The following ITGAV variants were observed in gnomAD, a reference collection of about 807,000 sequenced individuals.
ITGAV encodes integrin alpha-V.
A neutral mutation model predicts 143.8 loss-of-function variants in ITGAV; 76 were observed. The ratio of observed to expected loss-of-function variants is 0.53; its 90% CI spans 0.44 to 0.64. ITGAV has a LOEUF of 0.64. ITGAV is among the 30% of genes least tolerant of loss of function. The probability of loss-of-function intolerance (pLI) is 0.00; values close to 1 mark genes in which losing one functional copy is unlikely to be tolerated. For missense variants in ITGAV, 1,193 were observed against 1,274.7 expected (o/e 0.94, Z 0.98); for synonymous variants, 453 against 446.7 (o/e 1.01, Z -0.18).
At chr2:186,601,538 A>G (rs1240334402) in intron 1 of ITGAV, among the ~76,000 whole-genome samples, 1 of 152,044 alleles carries the variant, frequency 6.6e-6, no homozygotes, top group African/African-American at 2.4e-5. Flanking sequence ...TGGGAAAATC[A>G]TATTTATAAT....
chr2:186,622,531 C>G, intron 3 of ITGAV, 101 bp downstream of exon 3: 1 of 778,982 alleles, frequency 1.3e-6, no homozygotes, highest in Non-Finnish European at 2.3e-6. Context: ...TCAGTATGCT[C>G]AAGGGCACAG....
At chr2:186,619,047 G>A (rs913119886) in intron 2 of ITGAV, among the ~76,000 whole-genome samples, 2 of 147,550 alleles carry the variant, frequency 1.4e-5, no homozygotes, top group Non-Finnish European at 3.0e-5. Context: ...CATGGTGTGT[G>A]TATATGTATG....
chr2:186,596,687 C>T (rs1686758361), intron 1 of ITGAV, among the ~76,000 whole-genome samples: 1 of 152,074 alleles, frequency 6.6e-6, no homozygotes, highest in African/African-American at 2.4e-5. Flanking sequence ...GCATGAGCCA[C>T]CGTGCCTGGC....
Position 186,675,670 on chromosome 2 carries a change from G to C in ITGAV, c.2773G>C (p.Ala925Pro), listed in dbSNP as rs1183190099. Residue 925 changes from alanine to proline, a missense_variant, in exon 27 of 30, where the codon GCA (alanine) becomes CCA (proline). By Grantham distance (27) the Ala-to-Pro change is conservative. Coordinates refer to ENST00000261023, the MANE Select transcript of ITGAV (RefSeq NM_002210.5). ...TGGGAGATTAGACAGAGGAAAGAGT[G>C]CAATCTTGTACGTAAAGTCATTACT... ...QVGRLDRGKS[A>P]ILYVKSLLWT... is the part of the protein sequence containing the mutation. The C allele has an allele frequency of 6.2e-7, 1 of 1,613,902 alleles. No homozygotes were observed. The highest frequency in any genetic ancestry group is 8.5e-7 in the Non-Finnish European group (1 of 1,179,924).
chr2:186,604,697 G>A (rs903460663), intron 2 of ITGAV, among the ~76,000 whole-genome samples: 1 of 151,908 alleles, frequency 6.6e-6, no homozygotes, highest in East Asian at 1.9e-4. Flanking sequence ...ATGTTAATTT[G>A]CATTTCTTTA....
At chr2:186,611,967 T>C (rs1209297801) in intron 2 of ITGAV, among the ~76,000 whole-genome samples, 2 of 152,140 alleles carry the variant, frequency 1.3e-5, no homozygotes, top group African/African-American at 4.8e-5. Context: ...GTAATTGCGA[T>C]TTTTGCCATT....
intron 13 of ITGAV, 130 bp downstream of exon 13, chr2:186,647,007 A>C (rs975766536): frequency 1.5e-6 from 1 of 650,988 alleles, no homozygotes; most frequent in East Asian, 3.0e-5. Context: ...AAACCTCTAA[A>C]ATATTCAAGG....
At chr2:186,659,278 T>A in intron 18 of ITGAV, 103 bp downstream of exon 18, 1 of 797,386 alleles carries the variant, frequency 1.3e-6, no homozygotes, top group Non-Finnish European at 1.8e-6. Context: ...TTGATAGATG[T>A]TTAGTCAAAG....
intron 5 of ITGAV, 55 bp downstream of exon 5, chr2:186,630,913 G>A (rs1035384216): frequency 3.3e-5 from 32 of 962,824 alleles, no homozygotes; most frequent in Admixed American, 5.8e-5. Context: ...TGACTAGACT[G>A]TGGTTAAAAA....
At chr2:186,673,248 A>C (rs925531306) in intron 26 of ITGAV, among the ~76,000 whole-genome samples, 9 of 152,242 alleles carry the variant, frequency 5.9e-5, no homozygotes, top group African/African-American at 2.2e-4. Context: ...ATTTATTTCT[A>C]GACATTCAGT....
chr2:186,650,879 G>T (rs1225226671), intron 14 of ITGAV, among the ~76,000 whole-genome samples: 1 of 151,976 alleles, frequency 6.6e-6, no homozygotes, highest in Admixed American at 6.6e-5. Flanking sequence ...ATGTTCAGAG[G>T]TATTCTCCTG....
intron 17 of ITGAV, among the ~76,000 whole-genome samples, chr2:186,658,651 G>A (rs1245939573): frequency 1.3e-5 from 2 of 152,080 alleles, no homozygotes; most frequent in Non-Finnish European, 2.9e-5. Flanking sequence ...AGGACAGAAA[G>A]CAAGTCACAG....
At position 186,656,328 on chromosome 2, in the gene ITGAV, C is replaced by G. The variant is rs2105732322; in HGVS notation, c.1646C>G (p.Pro549Arg). 6.3e-7 allele frequency: 1 copy of G among 1,575,710 alleles called. No homozygotes were observed. Among genetic ancestry groups the G allele is most frequent in the South Asian group, 1.2e-5 (1 of 84,522 alleles). Reference sequence around the variant, plus strand: ...GCACTGTTTCTCTACAGCAGGTCCCCAAGTCACTCCAAGAACATGACTATT... The same window carrying G: ...GCACTGTTTCTCTACAGCAGGTCCCGAAGTCACTCCAAGAACATGACTATT... The part of the protein sequence containing the change: ...RRALFLYSRS[P>R]SHSKNMTISR... The change falls in exon 17 of 30, where the codon CCA becomes CGA. Residue 549 changes from proline (P) to arginine (R), a missense_variant. Physicochemically the swap from Pro to Arg is moderately radical, Grantham distance 103. Transcript: ENST00000261023.
chr2:186,676,926 A>C lies in ITGAV; in HGVS notation c.3042A>C (p.Val1014=), dbSNP rs375377335. ...GLLLLAVLVF[V]MYRMGFFKRV... ...TGCTACTGGCTGTTTTGGTATTTGT[A>C]ATGTACAGGGTAAGTAACGGACTTA... is the stretch of plus-strand genomic sequence containing the variant. Residue 1014 remains valine (V), a synonymous_variant, in exon 29 of 30, where the codon GTA becomes GTC. Coordinates refer to ENST00000261023, the MANE Select transcript of ITGAV (RefSeq NM_002210.5). 14 of 1,613,740 alleles carry C rather than the reference A, an allele frequency of 8.7e-6. 1 individual carries two copies. The Middle Eastern group carries it at 4.9e-4, about 57-fold the overall frequency.
Position 186,668,194 on chromosome 2 carries a change from A to G in ITGAV, c.2433+418A>G, listed in dbSNP as rs1187438453. Among the ~76,000 whole-genome samples the G allele has an allele frequency of 8.1e-4, 11 of 13,608 alleles. 1 individual carries two copies. The highest frequency in any genetic ancestry group is 6.9e-3 in the East Asian group (2 of 290). The allele number at this position is 13,608 out of a possible 152,430, so 8.9% of individuals were successfully genotyped here. On this transcript the variant is annotated intron_variant, in intron 24 of 29. Transcript: ENST00000261023. ...TGTTTATACATACATACATATATAT[A>G]TATATATATATATATATATATATTT...
intron 21 of ITGAV, 90 bp downstream of exon 21, chr2:186,665,308 A>T: frequency 1.3e-6 from 1 of 797,064 alleles, no homozygotes. Flanking sequence ...AAAAATAAAC[A>T]CTTCAAAACA....
intron 26 of ITGAV, among the ~76,000 whole-genome samples, chr2:186,673,009 T>C (rs75622059): frequency 1.3e-5 from 2 of 152,348 alleles, no homozygotes; most frequent in East Asian, 1.9e-4. Context: ...GTCATGAAGA[T>C]TCATACCTAG....
At chr2:186,600,334 A>G (rs1174068253) in intron 1 of ITGAV, 2 of 1,544,632 alleles carry the variant, frequency 1.3e-6, no homozygotes, top group Non-Finnish European at 1.8e-6. Flanking sequence ...TCAATACACA[A>G]ATGCTCCTAG....
chr2:186,608,791 G>A (rs986076496), intron 2 of ITGAV, among the ~76,000 whole-genome samples: 2 of 152,146 alleles, frequency 1.3e-5, no homozygotes, highest in African/African-American at 4.8e-5. Context: ...AAAAGTAATA[G>A]AAATAGACTC....
Sources: allele counts gnomAD v4.1 joint callset (sites outside exome capture counted in the v4.1 genomes callset), GRCh38; gene constraint gnomAD v4.1.1; transcripts MANE v1.5; gene names NCBI Gene and HGNC (gene_info 2026-07-23, HGNC 2026-07-21).